CCDC179: variants seen among roughly 807,000 people sequenced by gnomAD.
The protein encoded by CCDC179 is coiled-coil domain-containing protein 179.
Under a neutral mutation model 12.0 loss-of-function variants are expected in CCDC179, and 17 were observed. The observed-to-expected ratio is 1.42, with a 90% CI of 0.97 to 2.13. The LOEUF (loss-of-function observed/expected upper bound fraction) is 2.13. Among genes scored for constraint, CCDC179 ranks in the 30% most tolerant of loss-of-function variants. The pLI, the probability that CCDC179 is intolerant of heterozygous loss-of-function variation, is 0.00. For synonymous variants in CCDC179, 27 were observed against 26.4 expected, an observed-to-expected ratio of 1.02 and a Z score of -0.07; for missense variants, 83 against 78.6, an observed-to-expected ratio of 1.06 and a Z score of -0.21.
At chr11:22,850,965 T>A (rs1335518126) in intron 3 of CCDC179, among the ~76,000 whole-genome samples, 1 of 22,588 alleles carries the variant, frequency 4.4e-5, no homozygotes, top group African/African-American at 1.4e-4. Context: ...TATATATATA[T>A]ATATATATAT....
chr11:22,856,038 A>G lies in CCDC179; in HGVS notation c.195+1884T>C, dbSNP rs187458138. 3.6e-3 allele frequency among the ~76,000 whole-genome samples: 543 copies of G among 151,566 alleles called. 4 individuals carry two copies. Among genetic ancestry groups the G allele is most frequent in the African/African-American group, 0.012 (513 of 41,518 alleles). On this transcript the variant is annotated intron_variant, in intron 3 of 3. Transcript: ENST00000532798. The stretch of plus-strand genomic sequence containing the variant: ...TTAAAAAATTAATTAATAATTACCA[A>G]TCTTTCAAAATAGAAAATACTAAAC...
At chr11:22,857,818 GAGAA>G in intron 3 of CCDC179, 100 bp downstream of exon 3, 2 of 531,372 alleles carry the variant, frequency 3.8e-6, no homozygotes, top group Non-Finnish European at 6.1e-6. Flanking sequence ...ATTTCTCAAA[GAGAA>G]AGGGAAAAAG....
intron 1 of CCDC179, among the ~76,000 whole-genome samples, 170 bp from the exon 2 acceptor site, chr11:22,859,666 A>T (rs942656523): frequency 1.3e-5 from 2 of 152,246 alleles, no homozygotes; most frequent in African/African-American, 4.8e-5. Flanking sequence ...CAAGTTCAGA[A>T]TAAAAACATC....
At chr11:22,855,980 G>C (rs1858520650) in intron 3 of CCDC179, among the ~76,000 whole-genome samples, 1 of 151,076 alleles carries the variant, frequency 6.6e-6, no homozygotes, top group Non-Finnish European at 1.5e-5. Context: ...ATTCACACAA[G>C]ACATAGATAA....
intron 3 of CCDC179, among the ~76,000 whole-genome samples, chr11:22,850,966 A>T (rs1321471882): frequency 0.033 from 223 of 6,702 alleles, 17 homozygotes; most frequent in Non-Finnish European, 0.073. Context: ...ATATATATAT[A>T]TATATATATA....
chr11:22,860,433 T>G lies in CCDC179; in HGVS notation c.-12A>C, dbSNP rs1361042460. The stretch of plus-strand genomic sequence containing the variant: ...CAATACAGGCACATGCCGTGGAGCC[T>G]TAGGGCGCCCCCTGACGCCTACTGC... On this transcript the variant is annotated 5_prime_UTR_variant, in exon 1 of 4. Transcript: ENST00000532798. 6.5e-7 allele frequency: 1 copy of G among 1,534,110 alleles called. No homozygotes were observed. Among genetic ancestry groups the G allele is most frequent in the East Asian group, 2.5e-5 (1 of 40,720 alleles).
intron 3 of CCDC179, among the ~76,000 whole-genome samples, chr11:22,848,303 G>T (rs1347906503): frequency 3.3e-5 from 5 of 152,050 alleles, no homozygotes; most frequent in Admixed American, 6.6e-5. Context: ...AATTAGCTAG[G>T]CGTGGTGGCA....
intron 3 of CCDC179, among the ~76,000 whole-genome samples, chr11:22,855,392 A>G (rs1564916506): frequency 6.6e-6 from 1 of 151,698 alleles, no homozygotes; most frequent in Non-Finnish European, 1.5e-5. Flanking sequence ...ACCAATAACA[A>G]GAAAGATAAC....
chr11:22,852,225 C>A (rs1336819375), intron 3 of CCDC179, among the ~76,000 whole-genome samples: 2 of 152,160 alleles, frequency 1.3e-5, no homozygotes, highest in African/African-American at 4.8e-5. Flanking sequence ...CTGTTCTAAC[C>A]AACTCCATCT....
chr11:22,847,552 G>A (rs779220680), intron 3 of CCDC179, 31 bp from the exon 4 acceptor site: 3 of 1,220,074 alleles, frequency 2.5e-6, no homozygotes, highest in Non-Finnish European at 3.3e-6. Flanking sequence ...CAAAGAATAA[G>A]AAATTTAATT....
At position 22,860,404 on chromosome 11, in the gene CCDC179, C is replaced by G; in HGVS notation, c.18G>C (p.Trp6Cys). MCLYCWDIEPSQVNPE... is the reference protein window; with the variant it reads MCLYCCDIEPSQVNPE... ...GGTTGACTTGGGAAGGCTCGATGTC[C>G]CAGCAATACAGGCACATGCCGTGGA... is the stretch of plus-strand genomic sequence containing the variant. The change falls in exon 1 of 4, where the codon TGG becomes TGC. Residue 6 changes from tryptophan to cysteine, a missense_variant. By Grantham distance (215) the Trp-to-Cys change is radical (BLOSUM62 -2). Transcript: ENST00000532798. 1 of 1,535,604 alleles carries G rather than the reference C, an allele frequency of 6.5e-7. No homozygotes were observed. Among genetic ancestry groups the G allele is most frequent in the Non-Finnish European group, 8.7e-7 (1 of 1,146,662 alleles).
At chr11:22,858,488 G>A (rs1283355760) in intron 2 of CCDC179, among the ~76,000 whole-genome samples, 1 of 151,986 alleles carries the variant, frequency 6.6e-6, no homozygotes, top group Non-Finnish European at 1.5e-5. Flanking sequence ...AAACTAGAAT[G>A]CTTTTAAGAT....
chr11:22,847,809 G>A (rs1858261403), intron 3 of CCDC179, among the ~76,000 whole-genome samples: 1 of 152,112 alleles, frequency 6.6e-6, no homozygotes, highest in Non-Finnish European at 1.5e-5. Context: ...AATACCGCAA[G>A]CAGAAAGAAT....
chr11:22,856,562 G>A (rs1167488859), intron 3 of CCDC179, among the ~76,000 whole-genome samples: 1 of 151,450 alleles, frequency 6.6e-6, no homozygotes, highest in Non-Finnish European at 1.5e-5. Flanking sequence ...TATAGTCACT[G>A]TCAAGAAACC....
At chr11:22,858,114 TAAA>T in intron 2 of CCDC179, 88 bp from the exon 3 acceptor site, 1 of 750,648 alleles carries the variant, frequency 1.3e-6, no homozygotes, top group Non-Finnish European at 2.0e-6. Context: ...TTTGTGTCAA[TAAA>T]AAAGGTAAAC....
intron 3 of CCDC179, among the ~76,000 whole-genome samples, chr11:22,856,904 G>A (rs1381851052): frequency 1.3e-5 from 2 of 151,488 alleles, no homozygotes; most frequent in Admixed American, 6.6e-5. Flanking sequence ...TGAATGCAAA[G>A]TGAAAAACAG....
At chr11:22,854,592 A>C (rs1858492625) in intron 3 of CCDC179, among the ~76,000 whole-genome samples, 1 of 151,812 alleles carries the variant, frequency 6.6e-6, no homozygotes, top group Admixed American at 6.6e-5. Flanking sequence ...TGACATGCTA[A>C]GACAGGAGAG....
intron 3 of CCDC179, among the ~76,000 whole-genome samples, chr11:22,852,919 T>C (rs1315192472): frequency 6.6e-6 from 1 of 152,212 alleles, no homozygotes; most frequent in African/African-American, 2.4e-5. Flanking sequence ...AATCATAGGC[T>C]ATGGAACCCT....
chr11:22,857,005 CT>C (rs1315047146), intron 3 of CCDC179, among the ~76,000 whole-genome samples: 1 of 151,470 alleles, frequency 6.6e-6, no homozygotes, highest in African/African-American at 2.4e-5. Context: ...AATTATAAAA[CT>C]CAGGTAAAAA....
Sources: gnomAD v4.1 joint callset for allele counts (sites outside exome capture counted in the v4.1 genomes callset) on GRCh38, gnomAD v4.1.1 for gene constraint, MANE v1.5 for transcripts, NCBI Gene and HGNC (gene_info 2026-07-23, HGNC 2026-07-21) for gene names.